The following RBPJ variants were observed in gnomAD, a reference collection of about 807,000 sequenced individuals.
The protein encoded by RBPJ is recombining binding protein suppressor of hairless.
A neutral mutation model predicts 67.8 loss-of-function variants in RBPJ; 9 were observed. The observed-to-expected ratio is 0.13, with a 90% CI of 0.08 to 0.23. The LOEUF is 0.23. Among genes scored for constraint, RBPJ ranks in the 10% least tolerant of loss-of-function variants. The probability of loss-of-function intolerance (pLI) is 1.00; values close to 1 mark genes in which losing one functional copy is unlikely to be tolerated. For missense variants in RBPJ, 305 were observed against 595.6 expected, an observed-to-expected ratio of 0.51 and a Z score of 5.08; for synonymous variants, 198 against 203.3, an observed-to-expected ratio of 0.97 and a Z score of 0.22.
In RBPJ at chr4:26,255,674, T is replaced by C. The variant is rs368823069; in HGVS notation, c.-167+92060T>C. ...AAAATTAGCCAGGCGTGGTGGCAGGTGCCTGTAGTCCCAGCTACGCGGGAG... is the reference window on the plus strand; with the variant it reads ...AAAATTAGCCAGGCGTGGTGGCAGGCGCCTGTAGTCCCAGCTACGCGGGAG... On this transcript the variant is annotated intron_variant, in intron 1 of 4. Transcript: ENST00000512351. 6.8e-3 allele frequency among the ~76,000 whole-genome samples: 1,019 copies of C among 148,886 alleles called. 18 individuals carry two copies. Among genetic ancestry groups the C allele is most frequent in the African/African-American group, 0.023 (907 of 39,850 alleles).
rs60159669 is a variant in RBPJ at position 26,289,384 on chromosome 4, CAAAAAA to C, written c.-166-73044_-166-73039del. 1.5e-3 allele frequency among the ~76,000 whole-genome samples: 115 copies of C among 78,312 alleles called. 2 individuals carry two copies. Among genetic ancestry groups the C allele is most frequent in the African/African-American group, 5.2e-3 (107 of 20,550 alleles). 51.4% of individuals were successfully genotyped at this position (78,312 alleles called of 152,430 possible). On this transcript the variant is annotated intron_variant, in intron 1 of 4. Coordinates refer to the RBPJ transcript ENST00000512351. ...TCAGCGACAGAGTGAGACTTGGTCT[CAAAAAA>C]AAAAAAAAAAAAAAAAAGAAAAAGA...
chr4:26,320,022 C>G, upstream of RBPJ: 1 of 739,706 alleles, frequency 1.4e-6, no homozygotes, highest in Non-Finnish European at 2.2e-6. Flanking sequence ...CTCGGCTGTG[C>G]CAGGCCCTCG....
chr4:26,418,877 CGACCTATGGGTATAGCA>C (rs1734846492), intron 4 of RBPJ, among the ~76,000 whole-genome samples: 1 of 152,084 alleles, frequency 6.6e-6, no homozygotes, highest in Non-Finnish European at 1.5e-5. Context: ...AGAGTATGGC[CGACCTATGGGTATAGCA>C]GCTCACAGAT....
chr4:26,278,427 G>GA (rs1359287823), intron 1 of RBPJ, among the ~76,000 whole-genome samples: 1 of 152,160 alleles, frequency 6.6e-6, no homozygotes, highest in African/African-American at 2.4e-5. Context: ...ATATCTGATA[G>GA]AAAAAATATG....
the RBPJ span, among the ~76,000 whole-genome samples, chr4:26,148,764 C>G: frequency 1.3e-5 from 2 of 152,128 alleles, no homozygotes; most frequent in South Asian, 4.1e-4. Context: ...GATTGAAGAC[C>G]TAGGGATAAA....
chr4:26,113,869 T>C, the RBPJ span: 1 of 168,434 alleles, frequency 5.9e-6, no homozygotes, highest in Admixed American at 6.0e-5. Context: ...ACCTGTCAAA[T>C]TTTTGTTCAA....
the RBPJ span, among the ~76,000 whole-genome samples, chr4:26,156,383 A>G: frequency 1.4e-5 from 2 of 145,210 alleles, no homozygotes; most frequent in East Asian, 4.0e-4. Context: ...TCCAAAAACT[A>G]TAACTATATA....
In RBPJ at chr4:26,415,366, G is replaced by A. The variant is rs144448661; in HGVS notation, c.156-109G>A. The A allele has an allele frequency of 3.8e-4, 363 of 946,812 alleles. 2 individuals are homozygous for A. In the African/African-American group the frequency reaches 5.6e-3, roughly 15 times the overall value. The allele number at this position is 946,812 out of a possible 1,614,324, so 58.7% of individuals were successfully genotyped here. Reference sequence around the variant, plus strand: ...ACCAAAATTTTTCATTGGGGAATAGGTGCATTTCAATATGATTTTGTATTC... The same window carrying A: ...ACCAAAATTTTTCATTGGGGAATAGATGCATTTCAATATGATTTTGTATTC... On this transcript the variant is annotated intron_variant, in intron 3 of 10. Transcript: ENST00000355476.
intron 3 of RBPJ, among the ~76,000 whole-genome samples, chr4:26,414,066 C>T (rs1166729344): frequency 6.6e-6 from 1 of 152,052 alleles, no homozygotes; most frequent in East Asian, 1.9e-4. Context: ...AAAAGTAAGC[C>T]ATTTTCTGTA....
chr4:26,186,069 G>A (rs1326410885), intron 1 of RBPJ, among the ~76,000 whole-genome samples: 1 of 151,090 alleles, frequency 6.6e-6, no homozygotes, highest in African/African-American at 2.4e-5. Flanking sequence ...AAAAGAAAAA[G>A]AAAGAAAGAA....
At chr4:26,244,176 C>T (rs1243199098) in intron 1 of RBPJ, among the ~76,000 whole-genome samples, 3 of 146,334 alleles carry the variant, frequency 2.1e-5, no homozygotes, top group African/African-American at 2.6e-5. Flanking sequence ...TATGTATACA[C>T]ATATATGTAT....
At chr4:26,206,584 TC>T (rs1718177040) in intron 1 of RBPJ, among the ~76,000 whole-genome samples, 1 of 152,162 alleles carries the variant, frequency 6.6e-6, no homozygotes, top group Non-Finnish European at 1.5e-5. Flanking sequence ...CCAGCATATT[TC>T]TGCAGGCAAC....
upstream of RBPJ, among the ~76,000 whole-genome samples, chr4:26,160,435 T>C (rs1716054590): frequency 6.6e-6 from 1 of 152,224 alleles, no homozygotes; most frequent in Admixed American, 6.5e-5. Flanking sequence ...TAGTTTGTCA[T>C]TGTCCCCAGA....
At chr4:26,414,378 A>C (rs1441498507) in intron 3 of RBPJ, among the ~76,000 whole-genome samples, 1 of 152,138 alleles carries the variant, frequency 6.6e-6, no homozygotes, top group Non-Finnish European at 1.5e-5. Context: ...CATGTTGCCC[A>C]GGCTGGTCTC....
chr4:26,282,032 T>C (rs1443761186), intron 1 of RBPJ, among the ~76,000 whole-genome samples: 1 of 152,208 alleles, frequency 6.6e-6, no homozygotes, highest in Non-Finnish European at 1.5e-5. Context: ...GCAAACTTTA[T>C]GTGTATTTGT....
the RBPJ span, among the ~76,000 whole-genome samples, chr4:26,144,309 C>T: frequency 2.2e-4 from 25 of 115,726 alleles, no homozygotes; most frequent in East Asian, 6.1e-3. Flanking sequence ...CTCACTCTGT[C>T]GCCTGGGCTG....
chr4:26,266,963 T>C (rs1720722769), intron 1 of RBPJ, among the ~76,000 whole-genome samples: 1 of 152,220 alleles, frequency 6.6e-6, no homozygotes, highest in African/African-American at 2.4e-5. Context: ...AAAAGCTCTA[T>C]AGAGGTTCTT....
rs945541545 is a variant in RBPJ, at chr4:26,264,171, C to T, written c.-166-98275C>T. 6.6e-6 allele frequency among the ~76,000 whole-genome samples: 1 copy of T among 152,174 alleles called. No homozygotes were observed. The highest frequency in any genetic ancestry group is 1.5e-5 in the Non-Finnish European group (1 of 68,036). ...GTGCTGGGATTACAGGCGTGAGCCA[C>T]GGCGCCTGGCAGACAGATTCATTTG... is the stretch of plus-strand genomic sequence containing the variant. On this transcript the variant is annotated intron_variant, in intron 1 of 4. Transcript: ENST00000512351. The surrounding 1 kb of genome is among the most constrained non-coding windows in gnomAD (Gnocchi z 4.1).
At chr4:26,255,786 A>C (rs1327656805) in intron 1 of RBPJ, among the ~76,000 whole-genome samples, 1 of 149,146 alleles carries the variant, frequency 6.7e-6, no homozygotes, top group Non-Finnish European at 1.5e-5. Flanking sequence ...TGGGCAACAG[A>C]GCAAGACTCC....
Sources: gnomAD v4.1 joint callset for allele counts (sites outside exome capture counted in the v4.1 genomes callset) on GRCh38, gnomAD v4.1.1 for gene constraint, Gnocchi (gnomAD v3.1) non-coding constraint, MANE v1.5 for transcripts, NCBI Gene and HGNC (gene_info 2026-07-23, HGNC 2026-07-21) for gene names.